The following RIMS2 variants were observed in gnomAD, a reference collection of about 807,000 sequenced individuals.
RIMS2 encodes regulating synaptic membrane exocytosis protein 2.
In RIMS2, 59 loss-of-function variants were observed where a neutral mutation model predicts 174.4. The ratio of observed to expected loss-of-function variants is 0.34; its 90% CI spans 0.27 to 0.42. The LOEUF is 0.42. Among genes scored for constraint, RIMS2 ranks in the 10% least tolerant of loss-of-function variants. The pLI is 1.00. For synonymous variants in RIMS2, 606 were observed against 572.5 expected (o/e 1.06, Z -0.84); for missense variants, 1,620 against 1,666.3 (o/e 0.97, Z 0.48).
At chr8:103,586,917 T>G (rs1015390236) in intron 1 of RIMS2, among the ~76,000 whole-genome samples, 18 of 151,986 alleles carry the variant, frequency 1.2e-4, no homozygotes, top group Non-Finnish European at 2.4e-4. Flanking sequence ...CAACTGATAT[T>G]GCAGATATTT....
At chr8:104,223,663 G>C (rs763780994) in intron 19 of RIMS2, 1 of 1,589,452 alleles carries the variant, frequency 6.3e-7, no homozygotes. Context: ...TGGGCCGGCA[G>C]GGCTTGGGGG....
intron 19 of RIMS2, among the ~76,000 whole-genome samples, chr8:104,177,343 A>G (rs984574044): frequency 2.0e-5 from 3 of 152,104 alleles, no homozygotes; most frequent in Admixed American, 6.6e-5. Flanking sequence ...TTATGGCTAT[A>G]TTCTATATAA....
intron 19 of RIMS2, among the ~76,000 whole-genome samples, chr8:104,034,168 A>G (rs1213581778): frequency 3.9e-5 from 6 of 152,146 alleles, no homozygotes; most frequent in Non-Finnish European, 4.4e-5. Context: ...TTCTTTTTCA[A>G]TTGGTGTTTT....
chr8:103,977,361 C>T (rs1336983023), intron 16 of RIMS2: 2 of 152,096 alleles, frequency 1.3e-5, no homozygotes, highest in East Asian at 1.9e-4. Flanking sequence ...AATAGAATAA[C>T]GTGTAATCTG....
chr8:104,241,115 G>A (rs1179294618), intron 19 of RIMS2, among the ~76,000 whole-genome samples: 6 of 152,134 alleles, frequency 3.9e-5, no homozygotes, highest in Non-Finnish European at 8.8e-5. Context: ...ACCCCACTAA[G>A]CTGCTTCTAA....
At chr8:103,757,484 G>T (rs1365197809) in intron 2 of RIMS2, among the ~76,000 whole-genome samples, 1 of 151,940 alleles carries the variant, frequency 6.6e-6, no homozygotes, top group Non-Finnish European at 1.5e-5. Flanking sequence ...TAAAATTAAG[G>T]ATTTGGTTCA....
intron 2 of RIMS2, among the ~76,000 whole-genome samples, chr8:103,743,375 G>A (rs567077720): frequency 2.6e-4 from 40 of 152,200 alleles, no homozygotes; most frequent in Non-Finnish European, 4.4e-4. Flanking sequence ...GGATAAATTT[G>A]TTTATCTGCA....
rs1308242200 is a variant in RIMS2, at chr8:103,744,194, C to T, written c.388-22033C>T. Among the ~76,000 whole-genome samples the T allele has an allele frequency of 5.9e-5, 9 of 151,906 alleles. No homozygotes were observed. In the South Asian group the frequency reaches 1.2e-3, roughly 21 times the overall value. ...CTGAGTAGCTGGGACTACAGGCATG[C>T]GCCACCACGCCTAGCTAATTTTTGT... On this transcript the variant is annotated intron_variant, in intron 2 of 23. Transcript: ENST00000504942.
chr8:104,226,434 G>T (rs1455834758), intron 19 of RIMS2, among the ~76,000 whole-genome samples: 2 of 152,308 alleles, frequency 1.3e-5, no homozygotes, highest in East Asian at 3.9e-4. Flanking sequence ...TCTACAGAGA[G>T]ATCATATTCT....
At chr8:103,612,839 G>T (rs921719039) in intron 1 of RIMS2, among the ~76,000 whole-genome samples, 1 of 152,314 alleles carries the variant, frequency 6.6e-6, no homozygotes, top group South Asian at 2.1e-4. Context: ...AAAGTGCTGG[G>T]ATTACAGGCG....
chr8:103,709,485 C>A (rs2097276589), intron 2 of RIMS2, among the ~76,000 whole-genome samples: 1 of 151,874 alleles, frequency 6.6e-6, no homozygotes, highest in Non-Finnish European at 1.5e-5. Context: ...TACATGGAAA[C>A]AGTTTGATAC....
At chr8:103,839,420 T>C (rs1364145653) in intron 3 of RIMS2, among the ~76,000 whole-genome samples, 1 of 152,156 alleles carries the variant, frequency 6.6e-6, no homozygotes, top group Non-Finnish European at 1.5e-5. Context: ...CAAAGTTTGG[T>C]TTTAGGCTTT....
intron 1 of RIMS2, among the ~76,000 whole-genome samples, chr8:103,590,612 T>TTTTACTTGCTTTGTCATA (rs11272101): frequency 6.6e-6 from 1 of 150,826 alleles, no homozygotes; most frequent in Non-Finnish European, 1.5e-5. Context: ...TAACATTTTA[T>TTTTACTTGCTTTGTCATA]CCCATCTATT....
chr8:103,621,060 A>G (rs2095622929), intron 1 of RIMS2, among the ~76,000 whole-genome samples: 1 of 152,240 alleles, frequency 6.6e-6, no homozygotes, highest in Non-Finnish European at 1.5e-5. Context: ...CCAAATAAAT[A>G]TTACACATGA....
At chr8:104,112,619 A>G (rs2098208825) in intron 19 of RIMS2, among the ~76,000 whole-genome samples, 1 of 152,236 alleles carries the variant, frequency 6.6e-6, no homozygotes, top group Non-Finnish European at 1.5e-5. Flanking sequence ...TTTAGAATTT[A>G]GGTTCAATCT....
At chr8:104,036,273 C>G (rs1163021779) in intron 19 of RIMS2, among the ~76,000 whole-genome samples, 1 of 151,888 alleles carries the variant, frequency 6.6e-6, no homozygotes, top group Non-Finnish European at 1.5e-5. Flanking sequence ...GCCTCAGCCT[C>G]CCATGTAGCT....
intron 19 of RIMS2, among the ~76,000 whole-genome samples, chr8:104,231,393 C>G (rs1254982013): frequency 6.6e-6 from 1 of 152,070 alleles, no homozygotes; most frequent in Admixed American, 6.6e-5. Flanking sequence ...CCTCCCAAGG[C>G]TAGTAATTCT....
intron 19 of RIMS2, among the ~76,000 whole-genome samples, chr8:104,025,864 A>G (rs1340237000): frequency 6.6e-6 from 1 of 152,066 alleles, no homozygotes; most frequent in African/African-American, 2.4e-5. Context: ...ATATATACTT[A>G]TTGTGTTGTA....
At chr8:103,967,103 T>C (rs2092029305) in intron 15 of RIMS2, among the ~76,000 whole-genome samples, 1 of 151,718 alleles carries the variant, frequency 6.6e-6, no homozygotes, top group South Asian at 2.1e-4. Flanking sequence ...GTTGATTATA[T>C]TCAGTTGATG....
Sources: allele counts gnomAD v4.1 joint callset (sites outside exome capture counted in the v4.1 genomes callset), GRCh38; gene constraint gnomAD v4.1.1; transcripts MANE v1.5; gene names NCBI Gene and HGNC (gene_info 2026-07-23, HGNC 2026-07-21).